KIAA0825: variants seen among roughly 807,000 people sequenced by gnomAD.
KIAA0825 encodes uncharacterized protein KIAA0825.
KIAA0825 carries 119 observed loss-of-function variants against 147.6 expected under a neutral mutation model. The ratio of observed to expected loss-of-function variants is 0.81; its 90% CI spans 0.69 to 0.94. The LOEUF (loss-of-function observed/expected upper bound fraction) is 0.94, where lower values mean the gene tolerates loss of function less well. KIAA0825 is among the 40% of genes least tolerant of loss of function. The pLI is 0.00. For missense variants in KIAA0825, 1,381 were observed against 1,472.7 expected (o/e 0.94, Z 1.02); for synonymous variants, 470 against 518.1 (o/e 0.91, Z 1.26).
At chr5:94,371,357 ATT>A (rs1746682191) in intron 20 of KIAA0825, among the ~76,000 whole-genome samples, 1 of 152,146 alleles carries the variant, frequency 6.6e-6, no homozygotes, top group Admixed American at 6.6e-5. Flanking sequence ...TAATAGTATT[ATT>A]TTATAAGTCC....
At chr5:94,267,661 A>G (rs748939619) in intron 20 of KIAA0825, among the ~76,000 whole-genome samples, 3 of 152,140 alleles carry the variant, frequency 2.0e-5, no homozygotes, top group Non-Finnish European at 2.9e-5. Context: ...TTATTCAGAA[A>G]TATTTGTTTT....
intron 14 of KIAA0825, among the ~76,000 whole-genome samples, chr5:94,428,440 G>C (rs776512035): frequency 6.6e-6 from 1 of 152,078 alleles, no homozygotes; most frequent in African/African-American, 2.4e-5. Context: ...AGGCTGCTCT[G>C]GTGGTAATAA....
chr5:94,372,625 G>T (rs566875186), intron 20 of KIAA0825, among the ~76,000 whole-genome samples: 18 of 152,308 alleles, frequency 1.2e-4, no homozygotes, highest in Admixed American at 1.2e-3. Flanking sequence ...AGAGGAGGGG[G>T]GCCCTGGGCC....
At position 94,584,549 on chromosome 5, in the gene KIAA0825, C is replaced by A. The variant is rs146178016; in HGVS notation, c.-152-1966G>T. ...GAAATATGGGATTATGTGAAAAGAC[C>A]AAATCTACATTTGATTGGTGTACCT... On this transcript the variant is annotated intron_variant, in intron 1 of 20. Coordinates refer to ENST00000682413, the MANE Select transcript of KIAA0825 (RefSeq NM_001145678.3). Among the ~76,000 whole-genome samples the A allele has an allele frequency of 8.9e-3, 1,351 of 152,136 alleles. 15 individuals carry two copies. The highest frequency in any genetic ancestry group is 0.031 in the African/African-American group (1,274 of 41,480).
chr5:94,405,144 T>C (rs1282756215), intron 15 of KIAA0825, among the ~76,000 whole-genome samples: 1 of 152,222 alleles, frequency 6.6e-6, no homozygotes, highest in Non-Finnish European at 1.5e-5. Flanking sequence ...CTAAGAATGA[T>C]TTAAACCAGT....
chr5:94,582,032 A>G (rs1308147826), intron 2 of KIAA0825, among the ~76,000 whole-genome samples: 1 of 152,268 alleles, frequency 6.6e-6, no homozygotes, highest in East Asian at 1.9e-4. Context: ...TGGAAATAAG[A>G]AAGGGTAACA....
chr5:94,409,107 GAAA>G (rs1562468474), intron 15 of KIAA0825, among the ~76,000 whole-genome samples: 1 of 152,138 alleles, frequency 6.6e-6, no homozygotes, highest in East Asian at 1.9e-4. Context: ...TGTTATTTAG[GAAA>G]TTAGTGTTTT....
intron 20 of KIAA0825, among the ~76,000 whole-genome samples, chr5:94,328,477 T>C (rs1245676153): frequency 6.6e-6 from 1 of 152,052 alleles, no homozygotes; most frequent in Non-Finnish European, 1.5e-5. Context: ...TAGAGATTGA[T>C]ATTGCATTCT....
chr5:94,203,431 C>A (rs1771877672), intron 20 of KIAA0825, among the ~76,000 whole-genome samples: 2 of 152,246 alleles, frequency 1.3e-5, no homozygotes, highest in South Asian at 4.1e-4. Flanking sequence ...CTACAGTGAG[C>A]AATGTGTTAT....
chr5:94,584,367 C>T (rs1782840055), intron 1 of KIAA0825, among the ~76,000 whole-genome samples: 1 of 152,132 alleles, frequency 6.6e-6, no homozygotes, highest in African/African-American at 2.4e-5. Context: ...TCTTGAAAAC[C>T]ACAGTACGAG....
chr5:94,604,201 C>CA (rs1170797462), intron 1 of KIAA0825, among the ~76,000 whole-genome samples: 9 of 151,624 alleles, frequency 5.9e-5, no homozygotes, highest in South Asian at 4.2e-4. Context: ...TCAGTGAATG[C>CA]AAAAAAAATT....
At chr5:94,307,572 A>T (rs1245651490) in intron 20 of KIAA0825, among the ~76,000 whole-genome samples, 1 of 151,572 alleles carries the variant, frequency 6.6e-6, no homozygotes, top group Non-Finnish European at 1.5e-5. Context: ...CCAAAATGCG[A>T]TATGCTTTTT....
At chr5:94,519,875 T>A (rs1767832210) in intron 5 of KIAA0825, 1 of 577,758 alleles carries the variant, frequency 1.7e-6, no homozygotes, top group Non-Finnish European at 2.2e-6. Flanking sequence ...CTTATATATA[T>A]GCGTATATTT....
At chr5:94,449,544 G>A (rs1182628708) in intron 13 of KIAA0825, among the ~76,000 whole-genome samples, 1 of 152,084 alleles carries the variant, frequency 6.6e-6, no homozygotes, top group Non-Finnish European at 1.5e-5. Flanking sequence ...ACTCCTAATA[G>A]AAAAGACTCC....
At chr5:94,241,906 A>T (rs1456779591) in intron 20 of KIAA0825, among the ~76,000 whole-genome samples, 1 of 152,204 alleles carries the variant, frequency 6.6e-6, no homozygotes, top group Non-Finnish European at 1.5e-5. Context: ...AGGTTACTTC[A>T]TAGAAGCACT....
At chr5:94,297,039 A>G (rs768439775) in intron 20 of KIAA0825, among the ~76,000 whole-genome samples, 4 of 152,190 alleles carry the variant, frequency 2.6e-5, no homozygotes, top group Non-Finnish European at 5.9e-5. Context: ...TATATACGCA[A>G]GCTTCAAATG....
chr5:94,187,688 G>A (rs529307015), intron 20 of KIAA0825, among the ~76,000 whole-genome samples: 5 of 152,170 alleles, frequency 3.3e-5, no homozygotes, highest in African/African-American at 1.2e-4. Flanking sequence ...GCCTCCCAAA[G>A]TGCTGGGATT....
rs143885106 is a variant in KIAA0825, at chr5:94,387,446, C to T, written c.3457-1042G>A. Among the ~76,000 whole-genome samples, 536 of 152,240 alleles carry T rather than the reference C, an allele frequency of 3.5e-3. 1 individual carries two copies. The highest frequency in any genetic ancestry group is 5.8e-3 in the Non-Finnish European group (392 of 68,002). ...CAGTGGTTCACACCTGTAATCCCAG[C>T]ACTTTGGGAGACCGAGGTGGGCAGA... On this transcript the variant is annotated intron_variant, in intron 18 of 20. Transcript: ENST00000682413.
At chr5:94,419,393 T>A (rs1367396014) in intron 14 of KIAA0825, among the ~76,000 whole-genome samples, 1 of 152,170 alleles carries the variant, frequency 6.6e-6, no homozygotes, top group East Asian at 1.9e-4. Flanking sequence ...CCTCATGTCC[T>A]TCCTTGTTTT....
Sources: allele counts gnomAD v4.1 joint callset (sites outside exome capture counted in the v4.1 genomes callset), GRCh38; gene constraint gnomAD v4.1.1; transcripts MANE v1.5; gene names NCBI Gene and HGNC (gene_info 2026-07-23, HGNC 2026-07-21).